The following ROR1 variants were observed in gnomAD, a reference collection of about 807,000 sequenced individuals.
The protein encoded by ROR1 is inactive tyrosine-protein kinase transmembrane receptor ROR1.
ROR1 carries 19 observed loss-of-function variants against 78.8 expected under a neutral mutation model. The observed-to-expected ratio is 0.24, with a 90% CI of 0.17 to 0.35. The LOEUF (loss-of-function observed/expected upper bound fraction) is 0.35. Ranked by LOEUF, ROR1 falls within the 10% of genes least tolerant of loss-of-function variation. The pLI is 1.00. For synonymous variants in ROR1, 386 were observed against 433.6 expected (o/e 0.89, Z 1.36); for missense variants, 917 against 1,177.8 (o/e 0.78, Z 3.24).
chr1:64,077,886 C>T (rs970648996), intron 4 of ROR1, among the ~76,000 whole-genome samples: 1 of 152,232 alleles, frequency 6.6e-6, no homozygotes, highest in Non-Finnish European at 1.5e-5. Flanking sequence ...GTCATTTGCT[C>T]ATTCATCAGC....
chr1:64,151,445 A>G (rs941927750), intron 7 of ROR1, among the ~76,000 whole-genome samples: 1 of 152,218 alleles, frequency 6.6e-6, no homozygotes, highest in African/African-American at 2.4e-5. Flanking sequence ...TGACACTATC[A>G]GTAGAGGTTG....
At chr1:64,000,495 A>C (rs2100532072) in intron 1 of ROR1, among the ~76,000 whole-genome samples, 1 of 152,324 alleles carries the variant, frequency 6.6e-6, no homozygotes, top group Non-Finnish European at 1.5e-5. Flanking sequence ...TCCTTGGGGA[A>C]AAGCAAGATA....
At chr1:64,140,480 G>C in intron 6 of ROR1, 54 bp downstream of exon 6, 1 of 1,539,792 alleles carries the variant, frequency 6.5e-7, no homozygotes, top group Non-Finnish European at 8.9e-7. Flanking sequence ...CAACCTGTTG[G>C]CACAGGGAAA....
intron 4 of ROR1, among the ~76,000 whole-genome samples, chr1:64,086,416 G>A (rs1772629): frequency 0.85 from 128,958 of 152,244 alleles, 55,057 homozygotes; most frequent in African/African-American, 0.95. Context: ...ACTAAGAGCC[G>A]GGTGCTGGTC....
At chr1:63,944,204 C>T (rs569718606) in intron 1 of ROR1, among the ~76,000 whole-genome samples, 2 of 152,286 alleles carry the variant, frequency 1.3e-5, no homozygotes, top group African/African-American at 2.4e-5. Context: ...AAAGAACCTA[C>T]TTCCCAGGAG....
At chr1:63,959,049 A>T (rs760573514) in intron 1 of ROR1, among the ~76,000 whole-genome samples, 1 of 152,220 alleles carries the variant, frequency 6.6e-6, no homozygotes, top group Non-Finnish European at 1.5e-5. Flanking sequence ...TAATTTATAA[A>T]GGAAAGAGAT....
chr1:63,934,214 C>T (rs776731691), intron 1 of ROR1, among the ~76,000 whole-genome samples: 2 of 152,038 alleles, frequency 1.3e-5, no homozygotes, highest in African/African-American at 4.8e-5. Flanking sequence ...CCTGGGTGGC[C>T]GGTATGGAGC....
chr1:63,949,333 C>A (rs543581940), intron 1 of ROR1, among the ~76,000 whole-genome samples: 1 of 152,156 alleles, frequency 6.6e-6, no homozygotes, highest in Non-Finnish European at 1.5e-5. Flanking sequence ...TCCCCACCCC[C>A]CAGAGAAGGA....
intron 1 of ROR1, among the ~76,000 whole-genome samples, chr1:64,007,994 G>A (rs547553250): frequency 7.2e-6 from 1 of 138,824 alleles, no homozygotes; most frequent in South Asian, 2.2e-4. Flanking sequence ...TTTTATTTTA[G>A]ATTCAGAGGG....
chr1:63,853,962 G>A (rs535235545), intron 1 of ROR1, among the ~76,000 whole-genome samples: 1 of 152,168 alleles, frequency 6.6e-6, no homozygotes, highest in South Asian at 2.1e-4. Flanking sequence ...AGGATGATGG[G>A]AATTTTAACT....
intron 1 of ROR1, among the ~76,000 whole-genome samples, chr1:64,006,532 C>T (rs565117750): frequency 1.1e-4 from 17 of 152,162 alleles, no homozygotes; most frequent in Non-Finnish European, 2.2e-4. Flanking sequence ...AATACCCGTT[C>T]CCCAAACAAG....
At position 64,132,093 on chromosome 1, in the gene ROR1, G is replaced by A. The variant is rs570711259; in HGVS notation, c.483-5276G>A. 4.0e-4 allele frequency among the ~76,000 whole-genome samples: 61 copies of A among 152,158 alleles called. 1 individual carries two copies. Among genetic ancestry groups the A allele is most frequent in the Non-Finnish European group, 7.5e-4 (51 of 67,998 alleles). On this transcript the variant is annotated intron_variant, in intron 4 of 8. Transcript: ENST00000371079. ...CTGTCCCCAGCCCCTAGCAACCACC[G>A]ATCTGCTTTTCTCTAAAGACTTACC...
At chr1:64,067,444 CAAAAAAA>C (rs58105318) in intron 4 of ROR1, among the ~76,000 whole-genome samples, 1 of 57,476 alleles carries the variant, frequency 1.7e-5, no homozygotes, top group Non-Finnish European at 3.3e-5. Flanking sequence ...GCCTCCGTCT[CAAAAAAA>C]AAAAAAAAAA....
intron 4 of ROR1, among the ~76,000 whole-genome samples, chr1:64,107,195 C>T (rs951827167): frequency 6.6e-6 from 1 of 152,052 alleles, no homozygotes; most frequent in Non-Finnish European, 1.5e-5. Context: ...TTTAGAATAA[C>T]CTTTTCAGTA....
intron 1 of ROR1, among the ~76,000 whole-genome samples, chr1:63,895,651 T>C (rs985713565): frequency 3.3e-5 from 5 of 152,156 alleles, no homozygotes; most frequent in African/African-American, 1.2e-4. Flanking sequence ...ATAGTGAATT[T>C]TGAGGTGCTC....
intron 4 of ROR1, among the ~76,000 whole-genome samples, chr1:64,098,018 C>T (rs1349339220): frequency 6.8e-6 from 1 of 147,024 alleles, no homozygotes; most frequent in Non-Finnish European, 1.5e-5. Context: ...GCATCTGCCT[C>T]ACACTCCCCT....
chr1:63,868,496 C>T (rs1346188956), intron 1 of ROR1, among the ~76,000 whole-genome samples: 1 of 152,204 alleles, frequency 6.6e-6, no homozygotes, highest in Non-Finnish European at 1.5e-5. Flanking sequence ...CTTATGAGCA[C>T]ATTTGGCTTT....
intron 4 of ROR1, among the ~76,000 whole-genome samples, chr1:64,115,775 G>A (rs985711161): frequency 6.6e-6 from 1 of 152,128 alleles, no homozygotes; most frequent in African/African-American, 2.4e-5. Flanking sequence ...TAGGCATTGT[G>A]TGGAACTGGA....
intron 1 of ROR1, among the ~76,000 whole-genome samples, chr1:64,006,012 C>G (rs911794171): frequency 6.6e-6 from 1 of 152,124 alleles, no homozygotes; most frequent in South Asian, 2.1e-4. Context: ...TGTCCAGGGA[C>G]ACGTGGGGAA....
Sources: gnomAD v4.1 joint callset for allele counts (sites outside exome capture counted in the v4.1 genomes callset) on GRCh38, gnomAD v4.1.1 for gene constraint, MANE v1.5 for transcripts, NCBI Gene and HGNC (gene_info 2026-07-23, HGNC 2026-07-21) for gene names.